Variants in EXOC4 observed in about 807,000 individuals in gnomAD.
EXOC4 encodes exocyst complex component 4.
In EXOC4, 71 loss-of-function variants were observed where a neutral mutation model predicts 107.2. The observed-to-expected ratio is 0.66, with a 90% CI of 0.55 to 0.81. The LOEUF is 0.81. Ranked by LOEUF, EXOC4 falls within the 30% of genes least tolerant of loss-of-function variation. The pLI, the probability that EXOC4 is intolerant of heterozygous loss-of-function variation, is 0.00. For missense variants in EXOC4, 1,108 were observed against 1,189.6 expected, an observed-to-expected ratio of 0.93 and a Z score of 1.01; for synonymous variants, 456 against 441.2, an observed-to-expected ratio of 1.03 and a Z score of -0.42.
At chr7:133,512,882 G>C (rs1199101297) in intron 9 of EXOC4, among the ~76,000 whole-genome samples, 1 of 152,138 alleles carries the variant, frequency 6.6e-6, no homozygotes. Context: ...CCTGCGGGCG[G>C]ATCAGTTGAG....
intron 3 of EXOC4, among the ~76,000 whole-genome samples, chr7:133,304,428 A>G (rs567299021): frequency 6.6e-6 from 1 of 152,332 alleles, no homozygotes; most frequent in African/African-American, 2.4e-5. Flanking sequence ...ATGAACTGGT[A>G]GGCTTCAGAG....
At chr7:133,471,273 G>T (rs557334446) in intron 7 of EXOC4, among the ~76,000 whole-genome samples, 1 of 152,154 alleles carries the variant, frequency 6.6e-6, no homozygotes, top group South Asian at 2.1e-4. Flanking sequence ...TTAGCTGGGC[G>T]TGGTGGCAGG....
intron 1 of EXOC4, among the ~76,000 whole-genome samples, chr7:133,273,125 C>G (rs913665081): frequency 6.6e-6 from 1 of 152,120 alleles, no homozygotes; most frequent in African/African-American, 2.4e-5. Flanking sequence ...AAATTGAAGG[C>G]ATTTTCTGAT....
chr7:133,334,221 A>C (rs908243052), intron 5 of EXOC4, among the ~76,000 whole-genome samples: 1 of 152,122 alleles, frequency 6.6e-6, no homozygotes, highest in African/African-American at 2.4e-5. Context: ...TCACTTTTCC[A>C]TCTCTATCTT....
intron 9 of EXOC4, among the ~76,000 whole-genome samples, chr7:133,584,340 A>G (rs746198850): frequency 3.9e-5 from 6 of 152,148 alleles, no homozygotes; most frequent in Non-Finnish European, 8.8e-5. Flanking sequence ...GGAGATAGTC[A>G]TCATTATCTG....
chr7:133,390,623 A>T (rs1186202409), intron 7 of EXOC4, among the ~76,000 whole-genome samples: 1 of 152,146 alleles, frequency 6.6e-6, no homozygotes, highest in East Asian at 1.9e-4. Context: ...GACCTCCATC[A>T]TGAGAGAACT....
At chr7:133,963,728 ATTC>A in intron 14 of EXOC4, among the ~76,000 whole-genome samples, 1 of 152,336 alleles carries the variant, frequency 6.6e-6, no homozygotes, top group East Asian at 1.9e-4. Flanking sequence ...TTGTCTTTTC[ATTC>A]ATTCTGTTAC....
At chr7:133,791,361 A>G (rs1227686113) in intron 10 of EXOC4, among the ~76,000 whole-genome samples, 1 of 152,212 alleles carries the variant, frequency 6.6e-6, no homozygotes, top group Non-Finnish European at 1.5e-5. Flanking sequence ...TGTAGCATGT[A>G]TTGTATGCTC....
intron 9 of EXOC4, among the ~76,000 whole-genome samples, chr7:133,595,112 G>A (rs1213767604): frequency 2.6e-5 from 4 of 151,822 alleles, no homozygotes; most frequent in African/African-American, 7.3e-5. Flanking sequence ...AATGGGGAGA[G>A]TAGGTGGATG....
chr7:133,706,165 T>C (rs1280186317), intron 10 of EXOC4, among the ~76,000 whole-genome samples: 1 of 152,242 alleles, frequency 6.6e-6, no homozygotes, highest in Non-Finnish European at 1.5e-5. Context: ...GACCACCATG[T>C]GTATGTGTAA....
intron 6 of EXOC4, among the ~76,000 whole-genome samples, chr7:133,367,497 C>A (rs1466780463): frequency 1.3e-5 from 2 of 152,114 alleles, no homozygotes; most frequent in Non-Finnish European, 2.9e-5. Flanking sequence ...TTAGTAGGGT[C>A]CCAGGGGTGA....
chr7:133,487,491 C>T (rs1486260272), intron 9 of EXOC4, among the ~76,000 whole-genome samples: 4 of 152,132 alleles, frequency 2.6e-5, no homozygotes, highest in Admixed American at 2.6e-4. Context: ...GGTGGATCAC[C>T]TGAGGTCAGT....
downstream of EXOC4, among the ~76,000 whole-genome samples, chr7:134,068,816 T>C (rs531962763): frequency 1.3e-5 from 2 of 152,324 alleles, no homozygotes; most frequent in Non-Finnish European, 2.9e-5. Flanking sequence ...ACAACTTGAA[T>C]TGGCAACCAA....
At chr7:133,457,351 G>C (rs1418742880) in intron 7 of EXOC4, among the ~76,000 whole-genome samples, 1 of 152,098 alleles carries the variant, frequency 6.6e-6, no homozygotes, top group Non-Finnish European at 1.5e-5. Context: ...GAAATACAAA[G>C]GGATGAGACA....
At chr7:133,449,527 A>G (rs996438986) in intron 7 of EXOC4, among the ~76,000 whole-genome samples, 3 of 152,172 alleles carry the variant, frequency 2.0e-5, no homozygotes, top group African/African-American at 7.2e-5. Flanking sequence ...TTAAAAATCT[A>G]TCAACATTGC....
At position 133,844,335 on chromosome 7, in the gene EXOC4, A is replaced by G. The variant is rs1440140148; in HGVS notation, c.1734+26791A>G. The stretch of plus-strand genomic sequence containing the variant: ...TCAAACTATTTCTAATCTCTTTTAC[A>G]TTTTTACCCAACCAATTTAATTTCT... On this transcript the variant is annotated intron_variant, in intron 11 of 17. Coordinates refer to ENST00000253861, the MANE Select transcript of EXOC4 (RefSeq NM_021807.4). Among the ~76,000 whole-genome samples, 3 of 112,628 alleles carry G rather than the reference A, an allele frequency of 2.7e-5. No individual in the cohort carries two copies. The South Asian group carries it at 8.0e-4, about 30-fold the overall frequency. The allele number at this position is 112,628 out of a possible 152,430, so 73.9% of individuals were successfully genotyped here.
At chr7:133,962,308 A>C (rs749466096) in intron 14 of EXOC4, among the ~76,000 whole-genome samples, 10 of 152,202 alleles carry the variant, frequency 6.6e-5, no homozygotes, top group Non-Finnish European at 1.3e-4. Flanking sequence ...CCTTCTTGTT[A>C]GTGTAGTTTA....
intron 9 of EXOC4, among the ~76,000 whole-genome samples, chr7:133,587,965 A>C (rs781130160): frequency 7.9e-5 from 12 of 152,226 alleles, no homozygotes; most frequent in Non-Finnish European, 1.3e-4. Context: ...CATCACAAAA[A>C]ACATGGTGCC....
At chr7:133,449,801 C>G (rs1798300625) in intron 7 of EXOC4, among the ~76,000 whole-genome samples, 2 of 151,044 alleles carry the variant, frequency 1.3e-5, no homozygotes, top group Admixed American at 6.6e-5. Context: ...AATCCCTGTT[C>G]TGAAATTTTT....
Sources: allele counts gnomAD v4.1 joint callset (sites outside exome capture counted in the v4.1 genomes callset), GRCh38; gene constraint gnomAD v4.1.1; transcripts MANE v1.5; gene names NCBI Gene and HGNC (gene_info 2026-07-23, HGNC 2026-07-21).